The following PARPBP variants were observed in gnomAD, a reference collection of about 807,000 sequenced individuals.
PARPBP encodes PARP1 binding protein.
Under a neutral mutation model 50.0 loss-of-function variants are expected in PARPBP, and 52 were observed. The observed-to-expected ratio is 1.04, with a 90% CI of 0.83 to 1.31. PARPBP has a LOEUF of 1.31. PARPBP is among the 50% of genes most tolerant of loss of function. The pLI is 0.00. For missense variants in PARPBP, 697 were observed against 672.0 expected (o/e 1.04, Z -0.41); for synonymous variants, 244 against 232.1 (o/e 1.05, Z -0.47).
At chr12:102,179,527 A>G (rs572545572) in intron 8 of PARPBP, among the ~76,000 whole-genome samples, 44 of 152,310 alleles carry the variant, frequency 2.9e-4, no homozygotes, top group African/African-American at 1.0e-3. Context: ...TGGGTTGCAG[A>G]TAACTGCCTT....
chr12:102,151,810 T>A, intron 3 of PARPBP: 2 of 1,528,722 alleles, frequency 1.3e-6, no homozygotes, highest in Non-Finnish European at 1.8e-6. Context: ...AGTGAGACAA[T>A]GGGAAAGCCA....
intron 9 of PARPBP, among the ~76,000 whole-genome samples, chr12:102,185,533 G>C (rs1294509657): frequency 6.6e-6 from 1 of 152,218 alleles, no homozygotes; most frequent in Non-Finnish European, 1.5e-5. Context: ...CTTGTAGAAT[G>C]AGTTTGAAAG....
intron 2 of PARPBP, among the ~76,000 whole-genome samples, chr12:102,139,982 A>C (rs1054781084): frequency 6.6e-6 from 1 of 152,152 alleles, no homozygotes; most frequent in African/African-American, 2.4e-5. Context: ...TGGTATCAGG[A>C]TGATGCTGGC....
rs201892301 is a variant in PARPBP at position 102,197,334 on chromosome 12, G to A, written c.*1043G>A. 1.1e-5 allele frequency: 9 copies of A among 812,446 alleles called. No homozygotes were observed. The East Asian group carries it at 1.9e-4, about 17-fold the overall frequency. 50.3% of individuals were successfully genotyped at this position (812,446 alleles called of 1,614,324 possible). A position where few individuals can be genotyped will look rare whatever the true frequency, so the allele number is the denominator to read the frequency against. On this transcript the variant is annotated 3_prime_UTR_variant, in exon 11 of 11. Coordinates refer to ENST00000327680, the MANE Select transcript of PARPBP (RefSeq NM_017915.5). ...ATTTATAGGAGAAAAAACACTTTCAGATAAGAGGTGTTTGCTGGGATGGAA... is the reference window on the plus strand; with the variant it reads ...ATTTATAGGAGAAAAAACACTTTCAAATAAGAGGTGTTTGCTGGGATGGAA...
intron 9 of PARPBP, among the ~76,000 whole-genome samples, chr12:102,192,664 T>C (rs999848961): frequency 2.6e-5 from 4 of 152,122 alleles, no homozygotes; most frequent in South Asian, 2.1e-4. Context: ...TTTCTACTTA[T>C]GGTTCTAGCC....
intron 2 of PARPBP, among the ~76,000 whole-genome samples, chr12:102,137,254 T>C (rs556640051): frequency 1.3e-5 from 2 of 152,266 alleles, no homozygotes; most frequent in African/African-American, 4.8e-5. Context: ...CGTAAGTTTT[T>C]AATTCTCTGA....
At chr12:102,164,785 G>GA in intron 5 of PARPBP, 177 bp downstream of exon 5, 1 of 622,102 alleles carries the variant, frequency 1.6e-6, no homozygotes. Flanking sequence ...TGGTAAAGGA[G>GA]AATTTCTCTA....
At chr12:102,159,681 G>T (rs1187971865) in intron 4 of PARPBP, among the ~76,000 whole-genome samples, 3 of 145,502 alleles carry the variant, frequency 2.1e-5, no homozygotes, top group South Asian at 2.2e-4. Context: ...GCCAGAAAAA[G>T]AAAATCATCA....
rs1279870556 is a variant in PARPBP at position 102,154,929 on chromosome 12, A to G, written c.495+953A>G. On this transcript the variant is annotated intron_variant, in intron 4 of 10. Coordinates refer to ENST00000327680, the MANE Select transcript of PARPBP (RefSeq NM_017915.5). Reference sequence around the variant, plus strand: ...GGTGGCCACCTATGAGACGTCATCTACATAATAAGAACCTTGGTCTTCACA... The same window carrying G: ...GGTGGCCACCTATGAGACGTCATCTGCATAATAAGAACCTTGGTCTTCACA... 27 of 414,070 alleles carry G rather than the reference A, an allele frequency of 6.5e-5. 1 individual carries two copies. In the Middle Eastern group the frequency reaches 4.9e-3, roughly 75 times the overall value. The allele number at this position is 414,070 out of a possible 1,614,324, so 25.6% of individuals were successfully genotyped here.
At chr12:102,179,204 G>A (rs1889589741) in intron 8 of PARPBP, among the ~76,000 whole-genome samples, 1 of 152,186 alleles carries the variant, frequency 6.6e-6, no homozygotes. Flanking sequence ...CAATTAGCAA[G>A]GGTGTCTTTC....
chr12:102,173,904 T>C (rs1013923908), intron 6 of PARPBP, among the ~76,000 whole-genome samples: 1 of 146,742 alleles, frequency 6.8e-6, no homozygotes, highest in Non-Finnish European at 1.5e-5. Context: ...GATATGTTCT[T>C]CAGGGTATCT....
chr12:102,165,601 A>G (rs945750020), intron 5 of PARPBP, 128 bp from the exon 6 acceptor site: 8 of 692,870 alleles, frequency 1.2e-5, no homozygotes, highest in Non-Finnish European at 1.7e-5. Flanking sequence ...AAAGTGTGTC[A>G]TGAGCCATAA....
intron 3 of PARPBP, chr12:102,151,670 C>T (rs1447917849): frequency 6.5e-7 from 1 of 1,535,662 alleles, no homozygotes; most frequent in Non-Finnish European, 8.7e-7. Context: ...GCCTCATTGA[C>T]TCTGGAGCGG....
intron 4 of PARPBP, among the ~76,000 whole-genome samples, chr12:102,162,571 A>T (rs925189836): frequency 4.6e-5 from 7 of 152,238 alleles, no homozygotes; most frequent in Admixed American, 4.6e-4. Flanking sequence ...CTGTATTCCC[A>T]GCACTTTTGG....
chr12:102,195,312 A>G lies in PARPBP; in HGVS notation c.1264A>G (p.Met422Val), dbSNP rs746430775. The G allele has an allele frequency of 5.2e-6, 8 of 1,525,556 alleles. No homozygotes were observed. Among genetic ancestry groups the G allele is most frequent in the African/African-American group, 4.2e-5 (3 of 71,612 alleles). The allele number at this position is 1,525,556 out of a possible 1,614,324, so 94.5% of individuals were successfully genotyped here. A position where few individuals can be genotyped will look rare whatever the true frequency, so the allele number is the denominator to read the frequency against. ...CVSMQEKKIK[M>V]KQTLIRSQFA... Reference sequence around the variant, plus strand: ...TTTTCTTCTTTCTTTCTGTTACTAGATGAAGCAAACTTTAATTAGATCCCA... The same window carrying G: ...TTTTCTTCTTTCTTTCTGTTACTAGGTGAAGCAAACTTTAATTAGATCCCA... The change falls in exon 10 of 11, where the codon ATG becomes GTG. Residue 422 changes from methionine to valine, a missense_variant and splice_region_variant. Transcript: ENST00000327680.
At chr12:102,125,992 TCAAAG>T (rs980207816) in intron 2 of PARPBP, among the ~76,000 whole-genome samples, 2 of 152,148 alleles carry the variant, frequency 1.3e-5, no homozygotes, top group African/African-American at 4.8e-5. Context: ...TAGGCAAAAA[TCAAAG>T]CAAAGATTAC....
At chr12:102,152,298 G>T (rs1009432334) in intron 3 of PARPBP, among the ~76,000 whole-genome samples, 1 of 152,164 alleles carries the variant, frequency 6.6e-6, no homozygotes, top group Non-Finnish European at 1.5e-5. Context: ...CAGGTGTAAA[G>T]ATTTACTCTC....
chr12:102,186,098 G>A (rs1027398488), intron 9 of PARPBP, among the ~76,000 whole-genome samples: 2 of 151,810 alleles, frequency 1.3e-5, no homozygotes, highest in Admixed American at 1.3e-4. Flanking sequence ...CCAATTTATT[G>A]GCATTTGTTG....
intron 9 of PARPBP, among the ~76,000 whole-genome samples, chr12:102,190,606 G>A (rs1377391667): frequency 1.3e-5 from 2 of 152,034 alleles, no homozygotes; most frequent in African/African-American, 2.4e-5. Flanking sequence ...CCAGTGCCCA[G>A]GGGTCCTTGA....
Sources: gnomAD v4.1 joint callset for allele counts (sites outside exome capture counted in the v4.1 genomes callset) on GRCh38, gnomAD v4.1.1 for gene constraint, MANE v1.5 for transcripts, NCBI Gene and HGNC (gene_info 2026-07-23, HGNC 2026-07-21) for gene names.